PTPRZ1: variants seen among roughly 807,000 people sequenced by gnomAD.
PTPRZ1 encodes receptor-type tyrosine-protein phosphatase zeta.
Under a neutral mutation model 214.1 loss-of-function variants are expected in PTPRZ1, and 82 were observed. The ratio of observed to expected loss-of-function variants is 0.38; its 90% CI spans 0.32 to 0.46. The LOEUF (loss-of-function observed/expected upper bound fraction) is 0.46. Among genes scored for constraint, PTPRZ1 ranks in the 20% least tolerant of loss-of-function variants. The pLI, the probability that PTPRZ1 is intolerant of heterozygous loss-of-function variation, is 1.00. For missense variants in PTPRZ1, 2,603 were observed against 2,748.7 expected, an observed-to-expected ratio of 0.95 and a Z score of 1.19; for synonymous variants, 945 against 987.9, an observed-to-expected ratio of 0.96 and a Z score of 0.81.
Position 122,031,555 on chromosome 7 carries a change from T to G in PTPRZ1, c.5162T>G (p.Phe1721Cys). 6.3e-7 allele frequency: 1 copy of G among 1,596,734 alleles called. No homozygotes were observed. Among genetic ancestry groups the G allele is most frequent in the Non-Finnish European group, 8.6e-7 (1 of 1,167,086 alleles). ...LHASSGFTEE[F>C]ETLKEFYQEV... ...GCAAGTAGTGGGTTTACTGAAGAAT[T>G]TGAGGTATGATTTTAATATGTCTAT... Residue 1721 changes from phenylalanine (F) to cysteine (C), a missense_variant, in exon 15 of 30, where the codon TTT (phenylalanine) becomes TGT (cysteine). By Grantham distance (205) the Phe-to-Cys change is radical (BLOSUM62 -2). Transcript: ENST00000393386.
At chr7:122,058,709 A>C in intron 27 of PTPRZ1, 91 bp from the exon 28 acceptor site, 1 of 1,177,666 alleles carries the variant, frequency 8.5e-7, no homozygotes, top group Non-Finnish European at 1.2e-6. Flanking sequence ...ATTGGGTTTT[A>C]TTACCTTACT....
At chr7:122,021,915 C>T (rs1799028353) in intron 13 of PTPRZ1, among the ~76,000 whole-genome samples, 1 of 152,094 alleles carries the variant, frequency 6.6e-6, no homozygotes, top group Admixed American at 6.6e-5. Context: ...TCATCATATG[C>T]TAGGGGTATT....
At chr7:121,986,788 CTTAAA>C (rs1162530204) in intron 8 of PTPRZ1, among the ~76,000 whole-genome samples, 9 of 152,150 alleles carry the variant, frequency 5.9e-5, no homozygotes, top group Non-Finnish European at 1.3e-4. Context: ...ATTGAAGGGA[CTTAAA>C]TATGCAATAC....
chr7:121,908,240 A>G (rs1795172261), intron 1 of PTPRZ1, among the ~76,000 whole-genome samples: 2 of 152,072 alleles, frequency 1.3e-5, no homozygotes, highest in Admixed American at 6.6e-5. Flanking sequence ...GTTACCTTAT[A>G]TGGTCAGGTT....
At position 122,038,816 on chromosome 7, in the gene PTPRZ1, A is replaced by T; in HGVS notation, c.5429A>T (p.Asp1810Val). Residue 1810 changes from aspartate (D) to valine (V), a missense_variant, in exon 19 of 30, where the codon GAT becomes GTT. Physicochemically the swap from Asp to Val is radical, Grantham distance 152. Transcript: ENST00000393386. ...AQGPLKSTAE[D>V]FWRMIWEHNV... is the part of the protein sequence containing the mutation. The stretch of plus-strand genomic sequence containing the variant: ...GGCCCACTGAAATCCACAGCTGAAG[A>T]TTTCTGGAGAATGATATGGGAACAT... 6.2e-7 allele frequency: 1 copy of T among 1,613,858 alleles called. No individual in the cohort carries two copies. The highest frequency in any genetic ancestry group is 8.5e-7 in the Non-Finnish European group (1 of 1,179,784).
chr7:122,044,948 C>T (rs1799842585), intron 23 of PTPRZ1, among the ~76,000 whole-genome samples: 1 of 151,886 alleles, frequency 6.6e-6, no homozygotes, highest in Admixed American at 6.6e-5. Context: ...CAGGCTGTTC[C>T]TGATACTCTT....
chr7:121,896,705 G>A (rs563782685), intron 1 of PTPRZ1, among the ~76,000 whole-genome samples: 19 of 151,910 alleles, frequency 1.3e-4, no homozygotes, highest in East Asian at 9.7e-4. Context: ...CCCAGGAGGC[G>A]GAGCTTGCAA....
At chr7:121,965,776 GA>G (rs1797031945) in intron 2 of PTPRZ1, among the ~76,000 whole-genome samples, 1 of 152,180 alleles carries the variant, frequency 6.6e-6, no homozygotes, top group African/African-American at 2.4e-5. Context: ...TACTACTACA[GA>G]ATTGTGAAAG....
At chr7:121,956,871 C>G (rs566216400) in intron 2 of PTPRZ1, among the ~76,000 whole-genome samples, 6 of 152,300 alleles carry the variant, frequency 3.9e-5, no homozygotes, top group African/African-American at 1.4e-4. Flanking sequence ...TTTCACACAT[C>G]AATCCAGATT....
chr7:121,992,968 T>C (rs181347167), intron 8 of PTPRZ1, among the ~76,000 whole-genome samples: 35 of 152,234 alleles, frequency 2.3e-4, no homozygotes, highest in Middle Eastern at 3.4e-3. Context: ...AAGCCTGCAC[T>C]AACCAGTAAC....
intron 3 of PTPRZ1, among the ~76,000 whole-genome samples, chr7:121,968,644 T>C: frequency 7.6e-6 from 1 of 132,148 alleles, no homozygotes; most frequent in Non-Finnish European, 1.8e-5. Flanking sequence ...CTTTTTTTTT[T>C]TTTAAAAAAA....
intron 1 of PTPRZ1, among the ~76,000 whole-genome samples, chr7:121,900,843 A>T (rs1794934536): frequency 6.6e-6 from 1 of 152,200 alleles, no homozygotes; most frequent in African/African-American, 2.4e-5. Flanking sequence ...TCAAAGTCTA[A>T]TAATAAGTAT....
intron 13 of PTPRZ1, among the ~76,000 whole-genome samples, chr7:122,021,111 T>G (rs1799002792): frequency 6.6e-6 from 1 of 152,118 alleles, no homozygotes; most frequent in South Asian, 2.1e-4. Context: ...TAAATAGTGC[T>G]AGTACAAAGT....
In PTPRZ1 at chr7:121,972,682, T is replaced by G; in HGVS notation, c.446T>G (p.Phe149Cys). The G allele has an allele frequency of 1.2e-6, 2 of 1,603,168 alleles. No homozygotes were observed. Among genetic ancestry groups the G allele is most frequent in the Non-Finnish European group, 1.7e-6 (2 of 1,175,376 alleles). ...GSEHSLEGQK[F>C]PLEMQIYCFD... ...GAGCATAGTTTAGAAGGACAAAAATTTCCACTTGAGGTAAGTCAGGAGATC... is the reference window on the plus strand; with the variant it reads ...GAGCATAGTTTAGAAGGACAAAAATGTCCACTTGAGGTAAGTCAGGAGATC... Residue 149 changes from phenylalanine to cysteine, a missense_variant, in exon 4 of 30, where the codon TTT becomes TGT. This residue lies in a region of PTPRZ1 where 244 missense variants were observed against 333.2 expected (regional missense o/e 0.73). Coordinates refer to ENST00000393386, the MANE Select transcript of PTPRZ1 (RefSeq NM_002851.3).
rs756500795 is a variant in PTPRZ1, at chr7:122,011,030, G to A, written c.1984G>A (p.Ala662Thr). The change falls in exon 12 of 30, where the codon GCA (alanine) becomes ACA (threonine). Residue 662 changes from alanine (A) to threonine (T), a missense_variant. Ala to Thr is a moderately conservative substitution (Grantham distance 58). This residue lies in a region of PTPRZ1 where 1,913 missense variants were observed against 1,914.3 expected (regional missense o/e 1.00). Transcript: ENST00000393386. Reference protein sequence around the residue: ...VWFPSSTDITAQPDVGSGRES... With the variant: ...VWFPSSTDITTQPDVGSGRES... ...GTTTCCTAGCTCTACAGACATAACA[G>A]CACAGCCCGATGTTGGATCAGGCAG... 50 of 1,613,990 alleles carry A rather than the reference G, an allele frequency of 3.1e-5. No individual in the cohort carries two copies. Among genetic ancestry groups the A allele is most frequent in the Non-Finnish European group, 3.9e-5 (46 of 1,180,002 alleles).
At chr7:121,912,235 A>C (rs943867647) in intron 1 of PTPRZ1, among the ~76,000 whole-genome samples, 4 of 152,198 alleles carry the variant, frequency 2.6e-5, no homozygotes, top group Non-Finnish European at 4.4e-5. Flanking sequence ...CAAAGCTTAC[A>C]TTTCATTATC....
intron 1 of PTPRZ1, among the ~76,000 whole-genome samples, chr7:121,907,059 CTATT>C (rs1293996593): frequency 6.6e-6 from 1 of 151,958 alleles, no homozygotes; most frequent in African/African-American, 2.4e-5. Flanking sequence ...TATTTTATCT[CTATT>C]TGTTATTATC....
chr7:121,875,690 G>C (rs979887789), intron 1 of PTPRZ1, among the ~76,000 whole-genome samples: 4 of 152,194 alleles, frequency 2.6e-5, no homozygotes, highest in African/African-American at 9.7e-5. Flanking sequence ...TAACAAAGTT[G>C]GCCTTTTACA....
chr7:122,003,265 G>A (rs949414185), intron 10 of PTPRZ1, among the ~76,000 whole-genome samples: 1 of 152,130 alleles, frequency 6.6e-6, no homozygotes, highest in Admixed American at 6.5e-5. Flanking sequence ...GAGAAAAAAA[G>A]TGAGAATTAA....
Sources: allele counts gnomAD v4.1 joint callset (sites outside exome capture counted in the v4.1 genomes callset), GRCh38; gene constraint gnomAD v4.1.1; regional missense constraint gnomAD v4.1.1; transcripts MANE v1.5; gene names NCBI Gene and HGNC (gene_info 2026-07-23, HGNC 2026-07-21).